ABHD6: variants seen among roughly 807,000 people sequenced by gnomAD.
The protein encoded by ABHD6 is abhydrolase domain containing 6, acylglycerol lipase, also known as monoacylglycerol lipase ABHD6.
A neutral mutation model predicts 38.8 loss-of-function variants in ABHD6; 33 were observed. The observed-to-expected ratio is 0.85, with a 90% CI of 0.64 to 1.14. The LOEUF (loss-of-function observed/expected upper bound fraction) is 1.14. Ranked by LOEUF, ABHD6 falls within the 50% of genes most tolerant of loss-of-function variation. The probability of loss-of-function intolerance (pLI) is 0.00; values close to 1 mark genes in which losing one functional copy is unlikely to be tolerated. For missense variants in ABHD6, 380 were observed against 422.6 expected, an observed-to-expected ratio of 0.90 and a Z score of 0.88; for synonymous variants, 147 against 161.6, an observed-to-expected ratio of 0.91 and a Z score of 0.69.
chr3:58,286,850 G>GCGTATATATATATATATA (rs1553721726), intron 9 of ABHD6, among the ~76,000 whole-genome samples: 1 of 72,826 alleles, frequency 1.4e-5, no homozygotes, highest in African/African-American at 4.7e-5. Flanking sequence ...GTGTGTGTGT[G>GCGTATATATATATATATA]TGTATATATA....
intron 7 of ABHD6, among the ~76,000 whole-genome samples, chr3:58,276,244 C>T (rs1174004327): frequency 3.9e-5 from 6 of 152,260 alleles, no homozygotes; most frequent in African/African-American, 1.4e-4. Flanking sequence ...AGTGTAAAAG[C>T]GTTCCTATTT....
Position 58,256,631 on chromosome 3 carries a change from G to T in ABHD6, c.45G>T (p.Thr15=), listed in dbSNP as rs2097433543. The T allele has an allele frequency of 1.2e-6, 2 of 1,613,866 alleles. No homozygotes were observed. The highest frequency in any genetic ancestry group is 8.5e-7 in the Non-Finnish European group (1 of 1,180,016). The change falls in exon 3 of 10, where the codon ACG becomes ACT. Residue 15 remains threonine, a synonymous_variant. Coordinates refer to ENST00000478253, the MANE Select transcript of ABHD6 (RefSeq NM_001320126.2). The surrounding 1 kb of genome is among the most constrained non-coding windows in gnomAD (Gnocchi z 4.3). ...VVNMFVIAGG[T]LAIPILAFVA... ...ACATGTTTGTGATTGCGGGCGGCAC[G>T]CTGGCCATCCCAATCCTGGCATTTG... is the stretch of plus-strand genomic sequence containing the variant.
rs146491975 is a variant in ABHD6 at position 58,289,765 on chromosome 3, G to A, written c.838-3824G>A. Among the ~76,000 whole-genome samples, 1,309 of 152,270 alleles carry A rather than the reference G, an allele frequency of 8.6e-3. 19 individuals are homozygous for A. The highest frequency in any genetic ancestry group is 0.027 in the African/African-American group (1,115 of 41,556). The stretch of plus-strand genomic sequence containing the variant: ...GAGCTGTTGGGCACACCTCCCAGAC[G>A]GGGTGGTGGCTGGGCAGAGGGGCTC... On this transcript the variant is annotated intron_variant, in intron 9 of 9. Coordinates refer to ENST00000478253, the MANE Select transcript of ABHD6 (RefSeq NM_001320126.2).
At chr3:58,261,264 A>G (rs1025338435) in intron 3 of ABHD6, among the ~76,000 whole-genome samples, 4 of 152,206 alleles carry the variant, frequency 2.6e-5, no homozygotes, top group African/African-American at 9.7e-5. Flanking sequence ...ATAATCTGAC[A>G]TTGTTTGCAG....
intron 7 of ABHD6, among the ~76,000 whole-genome samples, chr3:58,278,579 GT>G (rs1451448215): frequency 3.9e-5 from 6 of 152,108 alleles, no homozygotes; most frequent in Non-Finnish European, 8.8e-5. Flanking sequence ...TTTTTGAAGG[GT>G]TTTTTGTGTC....
At position 58,251,817 on chromosome 3, in the gene ABHD6, C is replaced by G. The variant is rs1215528879; in HGVS notation, c.-26+1875C>G. On this transcript the variant is annotated intron_variant, in intron 2 of 9. Transcript: ENST00000478253. The surrounding 1 kb of genome is among the most constrained non-coding windows in gnomAD (Gnocchi z 5.4). ...TAAATAGATAAAATGAAGTGTTTTT[C>G]TTTTTCAGTGTATTCAGTCAGGCGA... Among the ~76,000 whole-genome samples the G allele has an allele frequency of 1.3e-5, 2 of 152,138 alleles. No homozygotes were observed. The highest frequency in any genetic ancestry group is 2.9e-5 in the Non-Finnish European group (2 of 68,034).
chr3:58,286,852 G>GTGTATATATATATATATATA (rs2097457572), intron 9 of ABHD6, among the ~76,000 whole-genome samples: 1 of 70,648 alleles, frequency 1.4e-5, no homozygotes, highest in African/African-American at 4.7e-5. Flanking sequence ...GTGTGTGTGT[G>GTGTATATATATATATATATA]TATATATATA....
At chr3:58,286,848 G>GTATATATATATATACATA (rs60071781) in intron 9 of ABHD6, among the ~76,000 whole-genome samples, 3 of 70,060 alleles carry the variant, frequency 4.3e-5, no homozygotes, top group African/African-American at 5.6e-5. Flanking sequence ...GTGTGTGTGT[G>GTATATATATATATACATA]TGTGTATATA....
At chr3:58,268,184 C>T (rs1036408832) in intron 4 of ABHD6, among the ~76,000 whole-genome samples, 3 of 152,164 alleles carry the variant, frequency 2.0e-5, no homozygotes, top group Admixed American at 1.3e-4. Flanking sequence ...CTTTTTACCT[C>T]ATGGATATTT....
chr3:58,249,078 A>T (rs1372972032), intron 1 of ABHD6, among the ~76,000 whole-genome samples: 1 of 152,154 alleles, frequency 6.6e-6, no homozygotes, highest in Non-Finnish European at 1.5e-5. Flanking sequence ...GGAACCCTTT[A>T]TACATTAAGG....
chr3:58,292,493 G>C (rs988744028), intron 9 of ABHD6, among the ~76,000 whole-genome samples: 3 of 152,154 alleles, frequency 2.0e-5, no homozygotes, highest in African/African-American at 7.2e-5. Flanking sequence ...AGGAAAAGGA[G>C]AGGAAATGAG....
At chr3:58,271,095 A>C in intron 6 of ABHD6, 31 bp downstream of exon 6, 16 of 1,566,540 alleles carry the variant, frequency 1.0e-5, no homozygotes, top group Non-Finnish European at 1.4e-5. Context: ...ATCCCTCGGC[A>C]GGGATGAATC....
At chr3:58,255,332 A>C (rs2037124) in intron 2 of ABHD6, among the ~76,000 whole-genome samples, 83,669 of 152,106 alleles carry the variant, frequency 0.55, 25,703 homozygotes, top group African/African-American at 0.84. Context: ...TTAAAAAGTG[A>C]AAAACCAAGT....
At chr3:58,255,424 A>T (rs1382529105) in intron 2 of ABHD6, among the ~76,000 whole-genome samples, 4 of 150,822 alleles carry the variant, frequency 2.7e-5, no homozygotes, top group Non-Finnish European at 4.4e-5. Context: ...ATCCATGTGT[A>T]CATGTATATT....
At chr3:58,291,171 G>A (rs2097462466) in intron 9 of ABHD6, among the ~76,000 whole-genome samples, 1 of 145,390 alleles carries the variant, frequency 6.9e-6, no homozygotes, top group Non-Finnish European at 1.5e-5. Context: ...GCGGTTAGGA[G>A]CTGGAGACCA....
At chr3:58,240,629 A>G (rs1328882326) in intron 1 of ABHD6, among the ~76,000 whole-genome samples, 1 of 151,766 alleles carries the variant, frequency 6.6e-6, no homozygotes, top group Non-Finnish European at 1.5e-5. Context: ...CAGTGGAGCA[A>G]TCTTAGCTCA....
Position 58,282,929 on chromosome 3 carries a change from C to T in ABHD6, c.682-2156C>T, listed in dbSNP as rs138352121. ...CTGTACCACTGGAGCCATCAGCAGA[C>T]GCTAATATTGAAGGTTATGGGACTG... On this transcript the variant is annotated intron_variant, in intron 7 of 9. Transcript: ENST00000478253. Among the ~76,000 whole-genome samples, 64 of 152,252 alleles carry T rather than the reference C, an allele frequency of 4.2e-4. 1 individual carries two copies. Among genetic ancestry groups the T allele is most frequent in the African/African-American group, 1.5e-3 (64 of 41,548 alleles).
chr3:58,257,898 A>G lies in ABHD6; in HGVS notation c.119+1193A>G, dbSNP rs1268299226. 6.6e-6 allele frequency among the ~76,000 whole-genome samples: 1 copy of G among 152,116 alleles called. No homozygotes were observed. The highest frequency in any genetic ancestry group is 6.5e-5 in the Admixed American group (1 of 15,270). On this transcript the variant is annotated intron_variant, in intron 3 of 9. Transcript: ENST00000478253. The surrounding 1 kb of genome is among the most constrained non-coding windows in gnomAD (Gnocchi z 4.8). ...CTATCTGGATACCACCTGTCCTTTT[A>G]TTTTGTATTTCCTTTAGAGTGAGCC... is the stretch of plus-strand genomic sequence containing the variant.
chr3:58,254,044 C>G (rs2097431644), intron 2 of ABHD6, among the ~76,000 whole-genome samples: 1 of 152,040 alleles, frequency 6.6e-6, no homozygotes, highest in African/African-American at 2.4e-5. Context: ...AGATACCTAA[C>G]AGCAAAGAGG....
Sources: gnomAD v4.1 joint callset for allele counts (sites outside exome capture counted in the v4.1 genomes callset) on GRCh38, gnomAD v4.1.1 for gene constraint, Gnocchi (gnomAD v3.1) non-coding constraint, MANE v1.5 for transcripts, NCBI Gene and HGNC (gene_info 2026-07-23, HGNC 2026-07-21) for gene names.